Variants in ABCA12 observed in about 807,000 individuals in gnomAD.
ABCA12 encodes the protein ATP binding cassette subfamily A member 12.
ABCA12 carries 156 observed loss-of-function variants against 293.5 expected under a neutral mutation model. That is an observed-to-expected ratio of 0.53 (90% CI 0.47 to 0.61). The LOEUF is 0.61. ABCA12 is among the 20% of genes least tolerant of loss of function. The pLI, the probability that ABCA12 is intolerant of heterozygous loss-of-function variation, is 0.00. For synonymous variants in ABCA12, 1,063 were observed against 1,108.0 expected (o/e 0.96, Z 0.81); for missense variants, 2,797 against 3,090.2 (o/e 0.91, Z 2.25).
intron 33 of ABCA12, among the ~76,000 whole-genome samples, chr2:214,977,976 T>C (rs1699558492): frequency 6.6e-6 from 1 of 151,886 alleles, no homozygotes; most frequent in South Asian, 2.1e-4. Flanking sequence ...TCTTGTCCAT[T>C]GTTAGCCCCG....
intron 3 of ABCA12, among the ~76,000 whole-genome samples, chr2:215,058,979 T>A (rs942576201): frequency 1.3e-5 from 2 of 152,024 alleles, no homozygotes; most frequent in African/African-American, 4.8e-5. Context: ...CTTTTTCCTA[T>A]GAGTAGGAAA....
chr2:214,942,887 C>A, intron 50 of ABCA12, 38 bp downstream of exon 50: 1 of 1,534,124 alleles, frequency 6.5e-7, no homozygotes, highest in South Asian at 1.1e-5. Flanking sequence ...AGATAGATGA[C>A]CCAACACTAT....
intron 23 of ABCA12, among the ~76,000 whole-genome samples, chr2:214,995,177 AC>A (rs1469825035): frequency 6.6e-6 from 1 of 152,230 alleles, no homozygotes; most frequent in African/African-American, 2.4e-5. Flanking sequence ...TCATACCATA[AC>A]AAAGTCAAAG....
intron 4 of ABCA12, among the ~76,000 whole-genome samples, chr2:215,054,337 T>C (rs10206806): frequency 0.26 from 39,720 of 151,974 alleles, 5,751 homozygotes; most frequent in East Asian, 0.41. Flanking sequence ...ATTCTCAACA[T>C]GTAGGCTTTT....
intron 2 of ABCA12, among the ~76,000 whole-genome samples, chr2:215,087,383 G>A (rs969867299): frequency 3.3e-5 from 5 of 152,156 alleles, no homozygotes; most frequent in South Asian, 2.1e-4. Flanking sequence ...CTTTAGCTTC[G>A]ATTAACACAC....
chr2:214,953,725 T>G (rs375725410), intron 44 of ABCA12, 129 bp downstream of exon 44: 6 of 1,206,856 alleles, frequency 5.0e-6, no homozygotes. Flanking sequence ...ATGCTAGAAT[T>G]TTTTAAAAGT....
rs114215217 is a variant in ABCA12, at chr2:214,953,540, A to T, written c.6647+314T>A. 1.4e-3 allele frequency among the ~76,000 whole-genome samples: 210 copies of T among 152,256 alleles called. 1 individual carries two copies. Among genetic ancestry groups the T allele is most frequent in the African/African-American group, 4.8e-3 (200 of 41,548 alleles). On this transcript the variant is annotated intron_variant, in intron 44 of 52. Coordinates refer to ENST00000272895, the MANE Select transcript of ABCA12 (RefSeq NM_173076.3). ...AGTGTTTTCCATTTTCCCAAACTCA[A>T]CTCAAAGACTACATCTTTTGTTCAT... is the stretch of plus-strand genomic sequence containing the variant.
Position 214,970,262 on chromosome 2 carries a change from G to T in ABCA12, c.5690+11C>A. The T allele has an allele frequency of 6.2e-7, 1 of 1,609,856 alleles. No individual in the cohort carries two copies. Among genetic ancestry groups the T allele is most frequent in the Non-Finnish European group, 8.5e-7 (1 of 1,177,842 alleles). Reference sequence around the variant, plus strand: ...CAAGCAATTAAATATGTTATAAACAGATTATTTTACCTTTTTTGGACAAAC... The same window carrying T: ...CAAGCAATTAAATATGTTATAAACATATTATTTTACCTTTTTTGGACAAAC... On this transcript the variant is annotated intron_variant, in intron 37 of 52. Coordinates refer to ENST00000272895, the MANE Select transcript of ABCA12 (RefSeq NM_173076.3).
At chr2:214,944,280 T>A (rs930533884) in intron 49 of ABCA12, among the ~76,000 whole-genome samples, 36 of 151,886 alleles carry the variant, frequency 2.4e-4, no homozygotes, top group African/African-American at 8.5e-4. Flanking sequence ...GGCATGGTAG[T>A]GGGCACCAGT....
intron 7 of ABCA12, among the ~76,000 whole-genome samples, chr2:215,043,261 A>G (rs1701137581): frequency 6.6e-6 from 1 of 152,130 alleles, no homozygotes. Flanking sequence ...TTTAAATTGC[A>G]TTATTTGTTT....
intron 39 of ABCA12, among the ~76,000 whole-genome samples, chr2:214,963,842 C>T (rs1021652925): frequency 7.0e-6 from 1 of 143,612 alleles, no homozygotes; most frequent in Admixed American, 7.6e-5. Context: ...ATTGCTTGAA[C>T]CCGGGAGGCA....
At chr2:215,010,049 T>C (rs1248887953) in intron 18 of ABCA12, among the ~76,000 whole-genome samples, 2 of 152,222 alleles carry the variant, frequency 1.3e-5, no homozygotes, top group African/African-American at 4.8e-5. Flanking sequence ...ACTTTTCTGC[T>C]TTTTGAGATA....
intron 49 of ABCA12, among the ~76,000 whole-genome samples, chr2:214,944,322 G>C (rs1476270028): frequency 1.3e-5 from 2 of 152,100 alleles, no homozygotes. Flanking sequence ...TGAGGCAGGA[G>C]AATTGCTTGA....
At chr2:215,086,856 C>G (rs183864233) in intron 2 of ABCA12, among the ~76,000 whole-genome samples, 43 of 152,186 alleles carry the variant, frequency 2.8e-4, no homozygotes, top group South Asian at 1.2e-3. Context: ...TGTAAACACA[C>G]CAACTGCCAA....
intron 1 of ABCA12, among the ~76,000 whole-genome samples, chr2:215,130,572 G>A (rs1048047480): frequency 6.6e-6 from 1 of 152,084 alleles, no homozygotes; most frequent in Non-Finnish European, 1.5e-5. Context: ...TGAGTATGTT[G>A]ATTTTGTATC....
rs182756808 is a variant in ABCA12, at chr2:215,043,673, G to A, written c.872+2164C>T. ...CTATATTAGGTGTACAATTAAATGA[G>A]TTTTTTTTAAGTTGTAAAGTGATCA... On this transcript the variant is annotated intron_variant, in intron 7 of 52. Transcript: ENST00000272895. 5.7e-4 allele frequency among the ~76,000 whole-genome samples: 86 copies of A among 151,870 alleles called. 1 individual carries two copies. Among genetic ancestry groups the A allele is most frequent in the Non-Finnish European group, 9.4e-4 (64 of 67,878 alleles).
Position 214,931,844 on chromosome 2 carries a change from T to C in ABCA12, c.*790A>G, listed in dbSNP as rs12694349. 89,748 of 152,062 alleles carry C rather than the reference T, an allele frequency of 0.59. 27,983 individuals carry two copies. Among genetic ancestry groups the C allele is most frequent in the African/African-American group, 0.81 (33,495 of 41,456 alleles). The allele number at this position is 152,062 out of a possible 1,614,324, so 9.4% of individuals were successfully genotyped here. ...AGCTTTAAAAAATGTTGCCTGCCAG[T>C]AGCACATGGATTCTCTTTTCAGGGT... is the stretch of plus-strand genomic sequence containing the variant. On this transcript the variant is annotated 3_prime_UTR_variant, in exon 53 of 53. Coordinates refer to ENST00000272895, the MANE Select transcript of ABCA12 (RefSeq NM_173076.3).
chr2:215,018,595 AG>A lies in ABCA12; in HGVS notation c.1658-464del, dbSNP rs533456460. On this transcript the variant is annotated intron_variant, in intron 13 of 52. Transcript: ENST00000272895. ...TTTTCTTTAACTACAGTCACACTAC[AG>A]TTATAAAGGGTTTTTACAATCATTA... Among the ~76,000 whole-genome samples, 197 of 152,322 alleles carry A rather than the reference AG, an allele frequency of 1.3e-3. 3 individuals are homozygous for A. Among genetic ancestry groups the A allele is most frequent in the African/African-American group, 4.4e-3 (184 of 41,576 alleles).
At chr2:215,130,944 T>G (rs2105917145) in intron 1 of ABCA12, among the ~76,000 whole-genome samples, 1 of 151,978 alleles carries the variant, frequency 6.6e-6, no homozygotes, top group Middle Eastern at 3.4e-3. Context: ...GGGTTTTTTT[T>G]TTAATCACGA....
Sources: allele counts gnomAD v4.1 joint callset (sites outside exome capture counted in the v4.1 genomes callset), GRCh38; gene constraint gnomAD v4.1.1; transcripts MANE v1.5; gene names NCBI Gene and HGNC (gene_info 2026-07-23, HGNC 2026-07-21).